Variants in SPECC1L observed in about 807,000 individuals in gnomAD.
SPECC1L encodes sperm antigen with calponin homology and coiled-coil domains 1 like, also known as cytospin-A.
A neutral mutation model predicts 116.8 loss-of-function variants in SPECC1L; 40 were observed. The observed-to-expected ratio is 0.34, with a 90% CI of 0.27 to 0.45. The LOEUF (loss-of-function observed/expected upper bound fraction) is 0.45. Ranked by LOEUF, SPECC1L falls within the 20% of genes least tolerant of loss-of-function variation. SPECC1L has a pLI of 1.00. For missense variants in SPECC1L, 1,110 were observed against 1,373.6 expected (o/e 0.81, Z 3.03); for synonymous variants, 504 against 500.6 (o/e 1.01, Z -0.09).
intron 2 of SPECC1L, among the ~76,000 whole-genome samples, chr22:24,286,620 A>G (rs894141595): frequency 1.3e-5 from 2 of 152,168 alleles, no homozygotes; most frequent in African/African-American, 4.8e-5. Flanking sequence ...TTGTCCTACC[A>G]CTAAGAAGTG....
At chr22:24,317,008 T>C (rs1489888974) in intron 4 of SPECC1L, among the ~76,000 whole-genome samples, 85 of 92,458 alleles carry the variant, frequency 9.2e-4, no homozygotes, top group Middle Eastern at 8.1e-3. Context: ...CCTCACCTCC[T>C]GGACGGGGCG....
chr22:24,349,767 A>G (rs571791156), intron 11 of SPECC1L, among the ~76,000 whole-genome samples: 3 of 152,348 alleles, frequency 2.0e-5, no homozygotes, highest in East Asian at 3.9e-4. Context: ...TATGTCCAGA[A>G]TAAGAGCATT....
intron 14 of SPECC1L, among the ~76,000 whole-genome samples, chr22:24,393,182 C>A (rs868850321): frequency 3.3e-5 from 5 of 152,212 alleles, no homozygotes; most frequent in Non-Finnish European, 7.3e-5. Flanking sequence ...CTGCTGTGGT[C>A]ATTTTTGGAA....
At chr22:24,387,810 C>T (rs1327149645) in intron 14 of SPECC1L, among the ~76,000 whole-genome samples, 4 of 152,164 alleles carry the variant, frequency 2.6e-5, no homozygotes, top group Admixed American at 6.5e-5. Context: ...CAACATGGCT[C>T]TTACTGGACT....
At chr22:24,313,499 G>C (rs763425160) in intron 4 of SPECC1L, 33 bp downstream of exon 4, 18 of 1,612,316 alleles carry the variant, frequency 1.1e-5, no homozygotes, top group Non-Finnish European at 1.4e-5. Context: ...GACTTCAACT[G>C]CTTTTTTGTT....
rs527960075 is a variant in SPECC1L at position 24,291,245 on chromosome 22, A to G, written c.-37-10950A>G. Among the ~76,000 whole-genome samples, 5 of 152,292 alleles carry G rather than the reference A, an allele frequency of 3.3e-5. No individual in the cohort carries two copies. The South Asian group carries it at 1.0e-3, about 32-fold the overall frequency. ...TTAAATTGTTTGATTCCGTGTTCTG[A>G]AAGTACAGATTATGAAATGAAATTT... On this transcript the variant is annotated intron_variant, in intron 2 of 16. Coordinates refer to ENST00000314328, the MANE Select transcript of SPECC1L (RefSeq NM_015330.6).
intron 14 of SPECC1L, among the ~76,000 whole-genome samples, chr22:24,403,057 A>C (rs1459001093): frequency 6.6e-6 from 1 of 152,152 alleles, no homozygotes; most frequent in Non-Finnish European, 1.5e-5. Context: ...GGCTGTCAGG[A>C]GTCTTTATGA....
chr22:24,350,920 A>G (rs1033271470), intron 11 of SPECC1L, among the ~76,000 whole-genome samples: 9 of 152,296 alleles, frequency 5.9e-5, no homozygotes, highest in Middle Eastern at 3.4e-3. Flanking sequence ...CCAGGAGGAG[A>G]GACCCCTATC....
At chr22:24,390,593 C>T (rs1043794560) in intron 14 of SPECC1L, among the ~76,000 whole-genome samples, 1 of 152,006 alleles carries the variant, frequency 6.6e-6, no homozygotes, top group Non-Finnish European at 1.5e-5. Context: ...CAGTGTGTTC[C>T]AGGGGTTAAA....
rs554972897 is a variant in SPECC1L at position 24,274,328 on chromosome 22, T to G, written c.-141-2372T>G. On this transcript the variant is annotated intron_variant, in intron 1 of 16. Transcript: ENST00000314328. ...AAGTGAACATAACAGATGATCCCTG[T>G]GTCTGTGAAGCCTTTAAAATTTATA... 3.3e-5 allele frequency among the ~76,000 whole-genome samples: 5 copies of G among 152,380 alleles called. No homozygotes were observed. In the East Asian group the frequency reaches 9.6e-4, roughly 29 times the overall value.
intron 2 of SPECC1L, among the ~76,000 whole-genome samples, chr22:24,295,291 A>G (rs1040155829): frequency 6.6e-6 from 1 of 150,912 alleles, no homozygotes; most frequent in African/African-American, 2.5e-5. Flanking sequence ...AAAAGTAGAT[A>G]TATATAAATT....
At chr22:24,345,063 C>G (rs191859481) in intron 10 of SPECC1L, among the ~76,000 whole-genome samples, 3 of 152,150 alleles carry the variant, frequency 2.0e-5, no homozygotes, top group Middle Eastern at 6.8e-3. Flanking sequence ...CCTGAATATT[C>G]AAAACATTGT....
Position 24,302,202 on chromosome 22 carries a change from T to C in SPECC1L, c.-30T>C. On this transcript the variant is annotated 5_prime_UTR_variant, in exon 3 of 17. Transcript: ENST00000314328. ...GCCATTTTTTTCCCACAGATTTGCT[T>C]GTAAATGCATCACGAAGAGGCAGCC... 1 of 1,613,628 alleles carries C rather than the reference T, an allele frequency of 6.2e-7. No homozygotes were observed. Among genetic ancestry groups the C allele is most frequent in the Non-Finnish European group, 8.5e-7 (1 of 1,179,706 alleles).
chr22:24,302,464 ATTC>A, intron 3 of SPECC1L, 80 bp downstream of exon 3: 1 of 1,561,278 alleles, frequency 6.4e-7, no homozygotes, highest in Admixed American at 1.7e-5. Context: ...TTAAATGAGC[ATTC>A]TTAGGGGTGT....
intron 2 of SPECC1L, 33 bp from the exon 3 acceptor site, chr22:24,302,162 T>C (rs1479856712): frequency 2.0e-6 from 3 of 1,506,092 alleles, no homozygotes; most frequent in South Asian, 1.2e-5. Flanking sequence ...CTTCCAGTTA[T>C]GTTCTCAGTG....
In SPECC1L at chr22:24,412,423, G is replaced by T; in HGVS notation, c.3205-225G>T. 4 of 622,444 alleles carry T rather than the reference G, an allele frequency of 6.4e-6. No individual in the cohort carries two copies. The South Asian group carries it at 7.2e-5, about 11-fold the overall frequency. The allele number at this position is 622,444 out of a possible 1,614,324, so 38.6% of individuals were successfully genotyped here. A position where few individuals can be genotyped will look rare whatever the true frequency, so the allele number is the denominator to read the frequency against. On this transcript the variant is annotated intron_variant, in intron 15 of 16. Transcript: ENST00000314328. ...ATTCTTCAGGAGTGAGGAAAGAACG[G>T]GTGTTGGTGGGTCACTGCAGCAGGT...
chr22:24,411,798 C>A, intron 15 of SPECC1L, 94 bp downstream of exon 15: 2 of 1,051,604 alleles, frequency 1.9e-6, no homozygotes, highest in Non-Finnish European at 3.0e-6. Context: ...TCACATGCCA[C>A]AGCGCTGGCT....
chr22:24,306,481 A>T (rs977370632), intron 3 of SPECC1L, among the ~76,000 whole-genome samples: 1 of 152,214 alleles, frequency 6.6e-6, no homozygotes, highest in South Asian at 2.1e-4. Context: ...CCTGGGCTCA[A>T]GCGGTCTTCA....
At chr22:24,388,271 C>T in intron 14 of SPECC1L, among the ~76,000 whole-genome samples, 1 of 133,500 alleles carries the variant, frequency 7.5e-6, no homozygotes, top group African/African-American at 2.8e-5. Flanking sequence ...TGTTATGTTC[C>T]CCTTCCTGTG....
Sources: gnomAD v4.1 joint callset for allele counts (sites outside exome capture counted in the v4.1 genomes callset) on GRCh38, gnomAD v4.1.1 for gene constraint, MANE v1.5 for transcripts, NCBI Gene and HGNC (gene_info 2026-07-23, HGNC 2026-07-21) for gene names.